The following SLC24A2 variants were observed in gnomAD, a reference collection of about 807,000 sequenced individuals.
SLC24A2 encodes solute carrier family 24 member 2.
A neutral mutation model predicts 62.0 loss-of-function variants in SLC24A2; 36 were observed. The observed-to-expected ratio is 0.58, with a 90% CI of 0.44 to 0.77. The LOEUF is 0.77. SLC24A2 is among the 30% of genes least tolerant of loss of function. SLC24A2 has a pLI of 0.00. For missense variants in SLC24A2, 846 were observed against 817.9 expected (o/e 1.03, Z -0.42); for synonymous variants, 358 against 294.0 (o/e 1.22, Z -2.23).
intron 2 of SLC24A2, among the ~76,000 whole-genome samples, chr9:19,685,633 GAT>G (rs1467251962): frequency 6.6e-6 from 1 of 151,930 alleles, no homozygotes; most frequent in Non-Finnish European, 1.5e-5. Context: ...CAAACCATCT[GAT>G]ATTCAACAAA....
At chr9:19,712,369 A>G (rs1277991234) in intron 2 of SLC24A2, among the ~76,000 whole-genome samples, 1 of 152,200 alleles carries the variant, frequency 6.6e-6, no homozygotes, top group Non-Finnish European at 1.5e-5. Context: ...CAACTATAAG[A>G]TCTCCCATCA....
chr9:20,204,637 C>A, the SLC24A2 span, among the ~76,000 whole-genome samples: 1 of 151,912 alleles, frequency 6.6e-6, no homozygotes, highest in African/African-American at 2.4e-5. Context: ...CAAACCATGC[C>A]AGTAGTTACT....
chr9:20,105,807 C>A, the SLC24A2 span, among the ~76,000 whole-genome samples: 1 of 152,020 alleles, frequency 6.6e-6, no homozygotes, highest in African/African-American at 2.4e-5. Context: ...CAAGAGCAAA[C>A]ACATTCAAAA....
chr9:19,642,377 C>T (rs1175253717), intron 2 of SLC24A2, among the ~76,000 whole-genome samples: 2 of 152,102 alleles, frequency 1.3e-5, no homozygotes, highest in African/African-American at 4.8e-5. Context: ...CTGGCAGGGG[C>T]CAGAGCAGAC....
At chr9:20,036,599 C>T in the SLC24A2 span, among the ~76,000 whole-genome samples, 2 of 152,166 alleles carry the variant, frequency 1.3e-5, no homozygotes, top group Admixed American at 6.5e-5. Context: ...TGATTTTCTG[C>T]GTCTGTCTTA....
chr9:19,741,391 C>T (rs1025334114), intron 2 of SLC24A2, among the ~76,000 whole-genome samples: 5 of 152,094 alleles, frequency 3.3e-5, no homozygotes, highest in East Asian at 1.9e-4. Flanking sequence ...TTTTGGGATT[C>T]GTCCCAGAGG....
At chr9:19,734,110 C>T (rs1821423787) in intron 2 of SLC24A2, among the ~76,000 whole-genome samples, 1 of 152,130 alleles carries the variant, frequency 6.6e-6, no homozygotes, top group Non-Finnish European at 1.5e-5. Context: ...ATATGTGTAG[C>T]CAGTTTTCCC....
the SLC24A2 span, among the ~76,000 whole-genome samples, chr9:19,890,924 G>A: frequency 6.6e-6 from 1 of 152,140 alleles, no homozygotes; most frequent in Non-Finnish European, 1.5e-5. Flanking sequence ...CCACTTGGAT[G>A]TCTGATAAGC....
At chr9:20,203,800 G>T in the SLC24A2 span, among the ~76,000 whole-genome samples, 10 of 152,220 alleles carry the variant, frequency 6.6e-5, no homozygotes, top group Admixed American at 5.9e-4. Flanking sequence ...AAACTCTGTG[G>T]CAGCGGTACC....
At chr9:19,903,754 G>A in the SLC24A2 span, among the ~76,000 whole-genome samples, 2 of 152,158 alleles carry the variant, frequency 1.3e-5, no homozygotes, top group Non-Finnish European at 2.9e-5. Flanking sequence ...AGTCCTACAC[G>A]AGACCTCTTT....
the SLC24A2 span, among the ~76,000 whole-genome samples, chr9:19,959,198 G>A: frequency 1.3e-5 from 2 of 152,080 alleles, no homozygotes; most frequent in African/African-American, 4.8e-5. Context: ...AGGTGGGAGA[G>A]AAAAAGAGGG....
chr9:19,573,242 C>T, intron 7 of SLC24A2, 109 bp downstream of exon 7: 2 of 773,508 alleles, frequency 2.6e-6, no homozygotes, highest in Non-Finnish European at 4.6e-6. Flanking sequence ...TACCTGATTC[C>T]TGCCCAGCTG....
chr9:19,645,680 G>T (rs1013444283), intron 2 of SLC24A2, among the ~76,000 whole-genome samples: 7 of 152,112 alleles, frequency 4.6e-5, no homozygotes. Flanking sequence ...ACATCCCAGC[G>T]GCCCAAGCAC....
intron 2 of SLC24A2, among the ~76,000 whole-genome samples, chr9:19,628,689 G>C (rs544110037): frequency 6.6e-6 from 1 of 152,220 alleles, no homozygotes; most frequent in South Asian, 2.1e-4. Flanking sequence ...TTAAGTCCTG[G>C]TTGCCTTACT....
the SLC24A2 span, among the ~76,000 whole-genome samples, chr9:20,030,248 T>C: frequency 6.6e-6 from 1 of 152,200 alleles, no homozygotes; most frequent in African/African-American, 2.4e-5. Context: ...TTCTATCACA[T>C]TTGAAATTAT....
chr9:19,869,475 CCTT>C, the SLC24A2 span, among the ~76,000 whole-genome samples: 2 of 151,996 alleles, frequency 1.3e-5, no homozygotes, highest in African/African-American at 4.8e-5. Flanking sequence ...AGTTTTTTGT[CCTT>C]CTGCTTTCCC....
At chr9:19,615,049 A>G (rs559179625) in intron 4 of SLC24A2, among the ~76,000 whole-genome samples, 23 of 152,296 alleles carry the variant, frequency 1.5e-4, no homozygotes, top group Non-Finnish European at 2.8e-4. Context: ...ATAAAACGCA[A>G]ACACTGCTGG....
chr9:19,856,246 G>C, the SLC24A2 span, among the ~76,000 whole-genome samples: 2 of 152,170 alleles, frequency 1.3e-5, no homozygotes, highest in African/African-American at 4.8e-5. Context: ...TTAGCTCAGT[G>C]AAGTTCATTA....
chr9:19,856,418 T>G, the SLC24A2 span, among the ~76,000 whole-genome samples: 16 of 152,176 alleles, frequency 1.1e-4, no homozygotes, highest in Admixed American at 9.8e-4. Context: ...CTCATCTTCA[T>G]GAGCTTATCT....
Sources: gnomAD v4.1 joint callset for allele counts (sites outside exome capture counted in the v4.1 genomes callset) on GRCh38, gnomAD v4.1.1 for gene constraint, MANE v1.5 for transcripts, NCBI Gene and HGNC (gene_info 2026-07-23, HGNC 2026-07-21) for gene names.